Variants in AXDND1 observed in about 807,000 individuals in gnomAD.
AXDND1 encodes the protein axonemal dynein light chain domain containing 1.
A neutral mutation model predicts 137.5 loss-of-function variants in AXDND1; 110 were observed. That is an observed-to-expected ratio of 0.80 (90% CI 0.69 to 0.94). The LOEUF (loss-of-function observed/expected upper bound fraction) is 0.94. Ranked by LOEUF, AXDND1 falls within the 40% of genes least tolerant of loss-of-function variation. AXDND1 has a pLI of 0.00. For synonymous variants in AXDND1, 414 were observed against 399.7 expected, an observed-to-expected ratio of 1.04 and a Z score of -0.43; for missense variants, 1,191 against 1,169.8, an observed-to-expected ratio of 1.02 and a Z score of -0.26.
At chr1:179,492,707 T>C in intron 19 of AXDND1, 148 bp from the exon 20 acceptor site, 1 of 531,588 alleles carries the variant, frequency 1.9e-6, no homozygotes, top group East Asian at 3.2e-5. Flanking sequence ...TTCTCCTTGG[T>C]GAGTCAGTAG....
intron 25 of AXDND1, chr1:179,551,655 C>T (rs868414716): frequency 2.3e-5 from 14 of 596,092 alleles, no homozygotes; most frequent in South Asian, 4.1e-5. Flanking sequence ...AGGTGGAATG[C>T]GTTAGGAGCC....
At chr1:179,509,892 A>T (rs1668870428) in intron 21 of AXDND1, among the ~76,000 whole-genome samples, 1 of 152,160 alleles carries the variant, frequency 6.6e-6, no homozygotes, top group Admixed American at 6.5e-5. Flanking sequence ...ATGTCCCTTG[A>T]CCTTGTCTCT....
intron 21 of AXDND1, among the ~76,000 whole-genome samples, chr1:179,519,308 C>A (rs1669841964): frequency 6.6e-6 from 1 of 152,128 alleles, no homozygotes; most frequent in Admixed American, 6.5e-5. Flanking sequence ...ACATAGTTTG[C>A]AAAAATTTTC....
intron 15 of AXDND1, among the ~76,000 whole-genome samples, chr1:179,442,263 A>G (rs189666702): frequency 1.4e-4 from 22 of 152,230 alleles, no homozygotes; most frequent in Non-Finnish European, 2.5e-4. Context: ...TTTATTTTCA[A>G]TTGGAGCTGT....
At chr1:179,485,616 G>A (rs12138249) in intron 18 of AXDND1, among the ~76,000 whole-genome samples, 69,363 of 151,922 alleles carry the variant, frequency 0.46, 16,711 homozygotes, top group East Asian at 0.76. Context: ...AAGAACTCTG[G>A]CAACTCAAGA....
At chr1:179,458,760 T>TA (rs1184815720) in intron 16 of AXDND1, among the ~76,000 whole-genome samples, 2 of 151,870 alleles carry the variant, frequency 1.3e-5, no homozygotes, top group East Asian at 3.9e-4. Flanking sequence ...AATATAATAC[T>TA]AAAACAAATA....
chr1:179,382,201 C>A (rs1375400130), intron 6 of AXDND1, among the ~76,000 whole-genome samples: 1 of 152,112 alleles, frequency 6.6e-6, no homozygotes, highest in East Asian at 1.9e-4. Flanking sequence ...GCCTCAGCCT[C>A]CTGAGTAGCT....
chr1:179,383,114 A>G (rs1001712805), intron 7 of AXDND1, among the ~76,000 whole-genome samples: 5 of 151,448 alleles, frequency 3.3e-5, no homozygotes, highest in Non-Finnish European at 5.9e-5. Context: ...TGAGGTAACC[A>G]ATGTTAAAAG....
chr1:179,441,830 T>C (rs915428985), intron 15 of AXDND1, among the ~76,000 whole-genome samples: 8 of 152,232 alleles, frequency 5.3e-5, no homozygotes, highest in African/African-American at 1.7e-4. Flanking sequence ...TGGTTCTGTC[T>C]AGCCTGGTCT....
intron 18 of AXDND1, among the ~76,000 whole-genome samples, chr1:179,486,701 A>G (rs1250129518): frequency 6.7e-6 from 1 of 148,966 alleles, no homozygotes; most frequent in Non-Finnish European, 1.5e-5. Flanking sequence ...AGAAATTCCA[A>G]ACAAGAACTT....
chr1:179,426,771 A>G (rs1470149997), intron 12 of AXDND1, among the ~76,000 whole-genome samples: 1 of 152,240 alleles, frequency 6.6e-6, no homozygotes. Context: ...ATATATATGT[A>G]TGTGCAAAGA....
chr1:179,508,209 A>C (rs763477539), intron 20 of AXDND1, among the ~76,000 whole-genome samples: 8 of 151,938 alleles, frequency 5.3e-5, no homozygotes, highest in Non-Finnish European at 1.0e-4. Context: ...GGTGGTGCAC[A>C]CCTGTGGTCC....
intron 11 of AXDND1, among the ~76,000 whole-genome samples, chr1:179,396,518 C>T (rs922939012): frequency 2.0e-5 from 3 of 151,820 alleles, no homozygotes; most frequent in East Asian, 3.9e-4. Flanking sequence ...CATGGTGGCA[C>T]GTACCTGTAG....
At chr1:179,526,911 A>G (rs1257181187) in intron 22 of AXDND1, among the ~76,000 whole-genome samples, 3 of 152,164 alleles carry the variant, frequency 2.0e-5, no homozygotes, top group African/African-American at 7.2e-5. Context: ...GAGTTAATGG[A>G]AAAAGGCATT....
At chr1:179,470,076 A>G (rs1449935776) in intron 17 of AXDND1, among the ~76,000 whole-genome samples, 6 of 152,152 alleles carry the variant, frequency 3.9e-5, no homozygotes, top group Admixed American at 6.5e-5. Flanking sequence ...TTTGTTGAAG[A>G]CTATTCTTTC....
At chr1:179,371,141 A>G (rs1466774241) in intron 4 of AXDND1, among the ~76,000 whole-genome samples, 1 of 152,136 alleles carries the variant, frequency 6.6e-6, no homozygotes, top group African/African-American at 2.4e-5. Flanking sequence ...TACAGTTTTA[A>G]TGTTGGCCAG....
chr1:179,551,542 G>T, intron 25 of AXDND1: 2 of 1,466,988 alleles, frequency 1.4e-6, no homozygotes, highest in Non-Finnish European at 1.9e-6. Context: ...CAAGCACTGA[G>T]CATCTACTAT....
At chr1:179,525,987 T>A (rs1292228324) in intron 22 of AXDND1, among the ~76,000 whole-genome samples, 1 of 152,170 alleles carries the variant, frequency 6.6e-6, no homozygotes, top group South Asian at 2.1e-4. Flanking sequence ...CCTTTTCCCT[T>A]CTAAATCCAG....
intron 25 of AXDND1, among the ~76,000 whole-genome samples, chr1:179,535,831 C>G (rs1487222612): frequency 6.6e-6 from 1 of 152,146 alleles, no homozygotes; most frequent in African/African-American, 2.4e-5. Context: ...CTAATTTACA[C>G]TCCCACCAAC....
Sources: gnomAD v4.1 joint callset for allele counts (sites outside exome capture counted in the v4.1 genomes callset) on GRCh38, gnomAD v4.1.1 for gene constraint, MANE v1.5 for transcripts, NCBI Gene and HGNC (gene_info 2026-07-23, HGNC 2026-07-21) for gene names.